PDGFC: variants seen among roughly 807,000 people sequenced by gnomAD.
PDGFC encodes platelet-derived growth factor C.
In PDGFC, 12 loss-of-function variants were observed where a neutral mutation model predicts 35.5. The observed-to-expected ratio is 0.34, with a 90% CI of 0.22 to 0.55. The LOEUF (loss-of-function observed/expected upper bound fraction) is 0.55, where lower values mean the gene tolerates loss of function less well. Ranked by LOEUF, PDGFC falls within the 20% of genes least tolerant of loss-of-function variation. The probability of loss-of-function intolerance (pLI) is 0.91; values close to 1 mark genes in which losing one functional copy is unlikely to be tolerated. For synonymous variants in PDGFC, 159 were observed against 148.8 expected (o/e 1.07, Z -0.50); for missense variants, 322 against 412.4 (o/e 0.78, Z 1.90).
intron 1 of PDGFC, among the ~76,000 whole-genome samples, chr4:156,916,546 CT>C (rs1182503057): frequency 1.3e-5 from 2 of 152,154 alleles, no homozygotes; most frequent in Non-Finnish European, 2.9e-5. Flanking sequence ...ACTCCAAATG[CT>C]GAGCTTGTCT....
At chr4:156,797,336 C>T (rs10004715) in intron 3 of PDGFC, among the ~76,000 whole-genome samples, 10,834 of 151,992 alleles carry the variant, frequency 0.071, 1,289 homozygotes, top group African/African-American at 0.25. Flanking sequence ...GCACACTCAC[C>T]CCTCGCCCAC....
At chr4:156,912,688 T>G (rs1490231980) in intron 1 of PDGFC, among the ~76,000 whole-genome samples, 1 of 152,108 alleles carries the variant, frequency 6.6e-6, no homozygotes, top group Non-Finnish European at 1.5e-5. Flanking sequence ...ATAAAATGAA[T>G]CATCATAATC....
At chr4:156,813,712 G>T (rs1467094925) in intron 2 of PDGFC, among the ~76,000 whole-genome samples, 2 of 152,116 alleles carry the variant, frequency 1.3e-5, no homozygotes, top group African/African-American at 4.8e-5. Flanking sequence ...TAAGACATTG[G>T]ATTATTTGGT....
At chr4:156,816,694 C>G (rs6844101) in intron 2 of PDGFC, among the ~76,000 whole-genome samples, 67,069 of 151,946 alleles carry the variant, frequency 0.44, 16,885 homozygotes, top group African/African-American at 0.69. Flanking sequence ...TTCATTCTCA[C>G]GAGTCAAACC....
At chr4:156,861,956 T>C (rs934768004) in intron 1 of PDGFC, among the ~76,000 whole-genome samples, 1 of 152,118 alleles carries the variant, frequency 6.6e-6, no homozygotes, top group Non-Finnish European at 1.5e-5. Flanking sequence ...AAAAGTTCCA[T>C]ATGGTAAGGT....
intron 1 of PDGFC, among the ~76,000 whole-genome samples, chr4:156,892,168 C>G (rs1480906727): frequency 6.6e-6 from 1 of 152,114 alleles, no homozygotes; most frequent in Non-Finnish European, 1.5e-5. Flanking sequence ...GAAAATAACA[C>G]CTACCTCATA....
rs189822760 is a variant in PDGFC, at chr4:156,917,261, A to T, written c.118+53525T>A. 2.2e-3 allele frequency among the ~76,000 whole-genome samples: 337 copies of T among 152,264 alleles called. 1 individual carries two copies. The highest frequency in any genetic ancestry group is 7.8e-3 in the African/African-American group (326 of 41,540). ...TCTTTGGGGAAAAATATTACTAGAAACCGTCCCAAAGGTCACACTTCACAT... is the reference window on the plus strand; with the variant it reads ...TCTTTGGGGAAAAATATTACTAGAATCCGTCCCAAAGGTCACACTTCACAT... On this transcript the variant is annotated intron_variant, in intron 1 of 5. Coordinates refer to ENST00000502773, the MANE Select transcript of PDGFC (RefSeq NM_016205.3).
chr4:156,912,732 A>C (rs78741693), intron 1 of PDGFC, among the ~76,000 whole-genome samples: 1 of 152,206 alleles, frequency 6.6e-6, no homozygotes, highest in South Asian at 2.1e-4. Flanking sequence ...AGAAATATGT[A>C]AGTATACTTT....
At chr4:156,924,781 T>C (rs558463421) in intron 1 of PDGFC, among the ~76,000 whole-genome samples, 1 of 152,284 alleles carries the variant, frequency 6.6e-6, no homozygotes, top group Admixed American at 6.5e-5. Flanking sequence ...AGCTTTGGGA[T>C]AGTTATACAC....
chr4:156,836,692 T>C (rs1430510368), intron 2 of PDGFC, among the ~76,000 whole-genome samples: 1 of 152,234 alleles, frequency 6.6e-6, no homozygotes, highest in Non-Finnish European at 1.5e-5. Context: ...TTCCATTCTG[T>C]ACCTTCACAT....
intron 1 of PDGFC, among the ~76,000 whole-genome samples, chr4:156,877,254 T>C (rs541079528): frequency 6.6e-6 from 1 of 151,218 alleles, no homozygotes; most frequent in South Asian, 2.1e-4. Flanking sequence ...TTTCTCAGTG[T>C]TACGGAAATA....
In PDGFC at chr4:156,834,255, T is replaced by G. The variant is rs1729010692; in HGVS notation, c.314+15966A>C. 3.9e-5 allele frequency among the ~76,000 whole-genome samples: 6 copies of G among 152,302 alleles called. 1 individual carries two copies. The South Asian group carries it at 1.2e-3, about 32-fold the overall frequency. On this transcript the variant is annotated intron_variant, in intron 2 of 5. Coordinates refer to ENST00000502773, the MANE Select transcript of PDGFC (RefSeq NM_016205.3). Reference sequence around the variant, plus strand: ...GAGTGTCACAATTTGCAGCATGATATCAAACTATTATAATCACTTTTTTGG... The same window carrying G: ...GAGTGTCACAATTTGCAGCATGATAGCAAACTATTATAATCACTTTTTTGG...
At chr4:156,807,733 A>G (rs994924226) in intron 3 of PDGFC, among the ~76,000 whole-genome samples, 1 of 152,040 alleles carries the variant, frequency 6.6e-6, no homozygotes, top group East Asian at 1.9e-4. Flanking sequence ...AGTCCCAAAG[A>G]AGGCTACAGG....
chr4:156,864,506 A>G (rs1301690020), intron 1 of PDGFC, among the ~76,000 whole-genome samples: 1 of 152,180 alleles, frequency 6.6e-6, no homozygotes, highest in Non-Finnish European at 1.5e-5. Context: ...TTGACTTGGG[A>G]AAAACGTGTA....
At chr4:156,870,552 T>C (rs1436166264) in intron 1 of PDGFC, among the ~76,000 whole-genome samples, 1 of 152,120 alleles carries the variant, frequency 6.6e-6, no homozygotes, top group African/African-American at 2.4e-5. Flanking sequence ...CAAAGTATTA[T>C]CCCTGTTGTA....
chr4:156,851,809 T>C (rs1228583808), intron 1 of PDGFC, among the ~76,000 whole-genome samples: 2 of 151,502 alleles, frequency 1.3e-5, no homozygotes, highest in East Asian at 1.9e-4. Flanking sequence ...CGGGCGCCTG[T>C]AGTCCCTGCT....
intron 3 of PDGFC, among the ~76,000 whole-genome samples, chr4:156,793,584 T>G (rs1163493390): frequency 1.3e-5 from 2 of 148,758 alleles, no homozygotes; most frequent in Admixed American, 1.3e-4. Flanking sequence ...AAATGTTATA[T>G]GTGTGTGTAT....
chr4:156,825,334 A>C, intron 2 of PDGFC, among the ~76,000 whole-genome samples: 1 of 151,394 alleles, frequency 6.6e-6, no homozygotes, highest in East Asian at 1.9e-4. Context: ...AGACTGCTTA[A>C]GCTCAGAAGT....
chr4:156,799,931 CAA>C (rs571449632), intron 3 of PDGFC, among the ~76,000 whole-genome samples: 95 of 152,062 alleles, frequency 6.2e-4, no homozygotes, highest in African/African-American at 2.0e-3. Flanking sequence ...ACCATTTTTT[CAA>C]AGTTACCAAA....
Sources: gnomAD v4.1 joint callset for allele counts (sites outside exome capture counted in the v4.1 genomes callset) on GRCh38, gnomAD v4.1.1 for gene constraint, MANE v1.5 for transcripts, NCBI Gene and HGNC (gene_info 2026-07-23, HGNC 2026-07-21) for gene names.